Variants in KITLG observed in about 807,000 individuals in gnomAD.
KITLG encodes c-Kit ligand.
In KITLG, 13 loss-of-function variants were observed where a neutral mutation model predicts 34.1. That is an observed-to-expected ratio of 0.38 (90% CI 0.25 to 0.61). KITLG has a LOEUF of 0.61. Among genes scored for constraint, KITLG ranks in the 20% least tolerant of loss-of-function variants. The probability of loss-of-function intolerance (pLI) is 0.60; values close to 1 mark genes in which losing one functional copy is unlikely to be tolerated. For missense variants in KITLG, 292 were observed against 318.9 expected, an observed-to-expected ratio of 0.92 and a Z score of 0.64; for synonymous variants, 110 against 104.0, an observed-to-expected ratio of 1.06 and a Z score of -0.35.
chr12:88,568,651 C>T (rs1245123066), intron 1 of KITLG, among the ~76,000 whole-genome samples: 5 of 152,058 alleles, frequency 3.3e-5, no homozygotes, highest in African/African-American at 1.2e-4. Context: ...TACACAAGGC[C>T]AATGAGCCAA....
intron 3 of KITLG, among the ~76,000 whole-genome samples, chr12:88,528,343 T>C (rs745611173): frequency 1.6e-4 from 24 of 152,142 alleles, no homozygotes; most frequent in Non-Finnish European, 3.2e-4. Flanking sequence ...CATCTATAAA[T>C]CCTTAATTTA....
At chr12:88,500,999 C>T (rs887804773) in intron 9 of KITLG, among the ~76,000 whole-genome samples, 1 of 152,034 alleles carries the variant, frequency 6.6e-6, no homozygotes. Context: ...AGGCTGGTCT[C>T]GAACTCCTGG....
intron 1 of KITLG, among the ~76,000 whole-genome samples, chr12:88,566,909 A>C (rs1346462695): frequency 6.6e-6 from 1 of 152,178 alleles, no homozygotes; most frequent in Non-Finnish European, 1.5e-5. Context: ...CTGCATAGCA[A>C]TACAGTACCA....
intron 1 of KITLG, among the ~76,000 whole-genome samples, chr12:88,575,188 G>A (rs1871787846): frequency 6.6e-6 from 1 of 152,158 alleles, no homozygotes; most frequent in African/African-American, 2.4e-5. Flanking sequence ...TTACAGTTGA[G>A]CAAACTAAGA....
At position 88,528,802 on chromosome 12, in the gene KITLG, C is replaced by T. The variant is rs544876718; in HGVS notation, c.192+3639G>A. ...TTGAAATAGGTGAATCTGGATTAAA[C>T]GGCACATGGGTGTTCTTTAAATATT... On this transcript the variant is annotated intron_variant, in intron 3 of 9. Transcript: ENST00000644744. 7.9e-5 allele frequency among the ~76,000 whole-genome samples: 12 copies of T among 152,264 alleles called. No homozygotes were observed. In the East Asian group the frequency reaches 1.5e-3, roughly 20 times the overall value.
At chr12:88,524,917 G>T (rs1051920695) in intron 3 of KITLG, among the ~76,000 whole-genome samples, 1 of 152,080 alleles carries the variant, frequency 6.6e-6, no homozygotes, top group South Asian at 2.1e-4. Context: ...AGAGAATGCC[G>T]CATCATAGGA....
intron 3 of KITLG, among the ~76,000 whole-genome samples, chr12:88,523,698 T>A (rs1256860575): frequency 1.3e-5 from 2 of 152,154 alleles, no homozygotes; most frequent in East Asian, 1.9e-4. Context: ...AATTTAAAAG[T>A]TTCCTATAAA....
At chr12:88,514,445 C>A (rs1410504906) in intron 6 of KITLG, among the ~76,000 whole-genome samples, 1 of 151,512 alleles carries the variant, frequency 6.6e-6, no homozygotes, top group Non-Finnish European at 1.5e-5. Flanking sequence ...GGGCTCTAGT[C>A]CCTTTTTGAC....
chr12:88,542,392 T>C (rs1323585455), intron 2 of KITLG, among the ~76,000 whole-genome samples: 1 of 152,122 alleles, frequency 6.6e-6, no homozygotes, highest in East Asian at 1.9e-4. Flanking sequence ...ATTAGGAAAT[T>C]GAATGCCAGA....
At chr12:88,501,239 G>T (rs2120787462) in intron 9 of KITLG, among the ~76,000 whole-genome samples, 1 of 152,140 alleles carries the variant, frequency 6.6e-6, no homozygotes, top group Non-Finnish European at 1.5e-5. Flanking sequence ...CTCTATTCTA[G>T]TGTTCCAATA....
At chr12:88,513,166 T>C (rs1440402363) in intron 6 of KITLG, among the ~76,000 whole-genome samples, 4 of 151,798 alleles carry the variant, frequency 2.6e-5, no homozygotes, top group African/African-American at 2.4e-5. Flanking sequence ...AAAACTACCC[T>C]GTTTCAAGGT....
intron 1 of KITLG, among the ~76,000 whole-genome samples, chr12:88,571,600 C>G (rs1871653627): frequency 1.3e-5 from 2 of 152,108 alleles, no homozygotes; most frequent in Admixed American, 1.3e-4. Flanking sequence ...AGAAAAAAGG[C>G]TTATAAAAAA....
intron 6 of KITLG, among the ~76,000 whole-genome samples, chr12:88,509,770 T>C (rs1196032826): frequency 6.6e-6 from 1 of 152,174 alleles, no homozygotes; most frequent in Non-Finnish European, 1.5e-5. Context: ...CCATCAGGGA[T>C]ACTACTGTCC....
intron 6 of KITLG, among the ~76,000 whole-genome samples, chr12:88,513,776 C>A (rs535695161): frequency 1.3e-4 from 20 of 151,478 alleles, no homozygotes; most frequent in Non-Finnish European, 2.1e-4. Flanking sequence ...AAGCAAAAAA[C>A]CCAAAACCAA....
chr12:88,574,902 A>G (rs1871779910), intron 1 of KITLG, among the ~76,000 whole-genome samples: 1 of 152,222 alleles, frequency 6.6e-6, no homozygotes, highest in Admixed American at 6.5e-5. Context: ...TGTAAATACC[A>G]TTCTTTTTAC....
chr12:88,541,182 G>A lies in KITLG; in HGVS notation c.129+4570C>T, dbSNP rs573377230. 5.3e-5 allele frequency among the ~76,000 whole-genome samples: 8 copies of A among 152,154 alleles called. No homozygotes were observed. The East Asian group carries it at 9.7e-4, about 18-fold the overall frequency. On this transcript the variant is annotated intron_variant, in intron 2 of 9. Coordinates refer to ENST00000644744, the MANE Select transcript of KITLG (RefSeq NM_000899.5). ...GGATATTTTTATAATCTCTCATTAC[G>A]ATAATCTCCATGAATCATGTATAAA...
chr12:88,570,988 A>T (rs1871631684), intron 1 of KITLG, among the ~76,000 whole-genome samples: 1 of 152,208 alleles, frequency 6.6e-6, no homozygotes, highest in Non-Finnish European at 1.5e-5. Flanking sequence ...AGAAAAGTAA[A>T]GAAGATAAAA....
chr12:88,559,996 T>C (rs1871245241), intron 1 of KITLG, among the ~76,000 whole-genome samples: 1 of 152,244 alleles, frequency 6.6e-6, no homozygotes, highest in African/African-American at 2.4e-5. Flanking sequence ...ATGATGACAT[T>C]TAAAACAGAG....
chr12:88,506,485 C>T (rs2120806032), intron 7 of KITLG, 107 bp from the exon 8 acceptor site: 1 of 809,958 alleles, frequency 1.2e-6, no homozygotes, highest in East Asian at 2.4e-5. Flanking sequence ...ACTCCAATAA[C>T]AGTTTTTTCA....
Sources: gnomAD v4.1 joint callset for allele counts (sites outside exome capture counted in the v4.1 genomes callset) on GRCh38, gnomAD v4.1.1 for gene constraint, MANE v1.5 for transcripts, NCBI Gene and HGNC (gene_info 2026-07-23, HGNC 2026-07-21) for gene names.